RFC2: variants seen among roughly 807,000 people sequenced by gnomAD.
The protein encoded by RFC2 is replication factor C subunit 2, also known as A1 40 kDa subunit.
A neutral mutation model predicts 44.8 loss-of-function variants in RFC2; 34 were observed. That is an observed-to-expected ratio of 0.76 (90% CI 0.58 to 1.01). The LOEUF is 1.01. Among genes scored for constraint, RFC2 ranks in the 50% least tolerant of loss-of-function variants. RFC2 has a pLI of 0.00. For synonymous variants in RFC2, 177 were observed against 168.9 expected (o/e 1.05, Z -0.37); for missense variants, 400 against 453.6 (o/e 0.88, Z 1.07).
intron 6 of RFC2, among the ~76,000 whole-genome samples, chr7:74,241,504 G>A (rs904122335): frequency 6.6e-6 from 1 of 152,200 alleles, no homozygotes; most frequent in African/African-American, 2.4e-5. Flanking sequence ...TTGGTAATGC[G>A]CTCGTCGGCA....
intron 1 of RFC2, 84 bp from the exon 2 acceptor site, chr7:74,252,582 T>C: frequency 1.2e-6 from 1 of 826,966 alleles, no homozygotes. Flanking sequence ...CCTGAGAGCT[T>C]TGTTAAAAAA....
chr7:74,249,456 G>A (rs899535643), intron 3 of RFC2, among the ~76,000 whole-genome samples: 2 of 152,060 alleles, frequency 1.3e-5, no homozygotes, highest in Non-Finnish European at 2.9e-5. Context: ...TACAAGAATC[G>A]CTTGAACCTG....
At chr7:74,234,396 C>T (rs3135703) in intron 10 of RFC2, among the ~76,000 whole-genome samples, 1 of 152,066 alleles carries the variant, frequency 6.6e-6, no homozygotes, top group East Asian at 1.9e-4. Flanking sequence ...TGACTGAGTG[C>T]GTTTGTCCTG....
intron 2 of RFC2, among the ~76,000 whole-genome samples, chr7:74,250,783 C>T (rs1554720930): frequency 6.6e-6 from 1 of 152,082 alleles, no homozygotes; most frequent in African/African-American, 2.4e-5. Flanking sequence ...AAAGTACACA[C>T]CTATTAAAAC....
At chr7:74,233,084 G>A (rs1325555894) in intron 10 of RFC2, among the ~76,000 whole-genome samples, 1 of 152,112 alleles carries the variant, frequency 6.6e-6, no homozygotes, top group Non-Finnish European at 1.5e-5. Context: ...AGTGGCACAT[G>A]CCTGCAGTCC....
intron 6 of RFC2, 28 bp downstream of exon 6, chr7:74,243,117 GC>G (rs781951343): frequency 4.1e-6 from 6 of 1,459,868 alleles, no homozygotes; most frequent in South Asian, 1.1e-5. Flanking sequence ...GCACCACGTG[GC>G]CCCCAGCCAC....
chr7:74,232,494 C>G (rs1042255535), intron 10 of RFC2, among the ~76,000 whole-genome samples: 1 of 151,962 alleles, frequency 6.6e-6, no homozygotes, highest in Non-Finnish European at 1.5e-5. Context: ...GGTGGTGGCA[C>G]GGAAAGCCAG....
At chr7:74,233,549 G>C (rs1289686017) in intron 10 of RFC2, among the ~76,000 whole-genome samples, 1 of 150,780 alleles carries the variant, frequency 6.6e-6, no homozygotes, top group Admixed American at 6.6e-5. Flanking sequence ...GGCACAATGA[G>C]ATCTCATCAC....
chr7:74,233,063 G>T (rs1347594984), intron 10 of RFC2, among the ~76,000 whole-genome samples: 1 of 151,554 alleles, frequency 6.6e-6, no homozygotes, highest in African/African-American at 2.4e-5. Flanking sequence ...AAATAAAAAT[G>T]ACCCAAGTGT....
At chr7:74,246,624 G>C (rs1245568347) in intron 5 of RFC2, 38 bp downstream of exon 5, 1 of 1,335,682 alleles carries the variant, frequency 7.5e-7, no homozygotes. Context: ...AAGAGATTTA[G>C]AGATCAAGGT....
chr7:74,233,595 G>GTTTT (rs79258549), intron 10 of RFC2, among the ~76,000 whole-genome samples: 3 of 124,428 alleles, frequency 2.4e-5, no homozygotes, highest in Non-Finnish European at 3.4e-5. Context: ...GTTGTTATTG[G>GTTTT]TTTTTTTTTT....
intron 6 of RFC2, among the ~76,000 whole-genome samples, chr7:74,241,580 C>T (rs552286225): frequency 6.6e-6 from 1 of 152,156 alleles, no homozygotes; most frequent in African/African-American, 2.4e-5. Context: ...TTCAGCAGGG[C>T]AGAAGTGAGG....
intron 6 of RFC2, among the ~76,000 whole-genome samples, chr7:74,241,990 A>G (rs1462285237): frequency 6.6e-6 from 1 of 152,176 alleles, no homozygotes; most frequent in Non-Finnish European, 1.5e-5. Context: ...ATGTGAAACC[A>G]GCAGGAAGTT....
rs1342732440 is a variant in RFC2, at chr7:74,249,781, C to G, written c.184-1G>C. 3 of 1,613,378 alleles carry G rather than the reference C, an allele frequency of 1.9e-6. No individual in the cohort carries two copies. Among genetic ancestry groups the G allele is most frequent in the Non-Finnish European group, 2.5e-6 (3 of 1,179,394 alleles). On this transcript the variant is annotated splice_acceptor_variant, in intron 2 of 10. Coordinates refer to ENST00000055077, the MANE Select transcript of RFC2 (RefSeq NM_181471.3). LOFTEE classifies it high-confidence loss of function. ...GCACATTTCCTTCCCTTGCAAAGAC[C>G]TACGGCGAAAATGATCATTAAAACC...
At chr7:74,237,469 C>T in intron 8 of RFC2, 27 bp from the exon 9 acceptor site, 1 of 1,510,074 alleles carries the variant, frequency 6.6e-7, no homozygotes, top group Non-Finnish European at 9.0e-7. Flanking sequence ...GAAAGGCGGT[C>T]AGGGGCTAGA....
At chr7:74,249,682 A>C (rs1256147869) in intron 3 of RFC2, 57 bp downstream of exon 3, 1 of 1,419,890 alleles carries the variant, frequency 7.0e-7, no homozygotes, top group Non-Finnish European at 1.0e-6. Context: ...AAAGCAGTTC[A>C]GCGGACAGTG....
chr7:74,237,280 C>A, intron 9 of RFC2, 82 bp downstream of exon 9: 5 of 870,240 alleles, frequency 5.7e-6, no homozygotes, highest in Non-Finnish European at 7.6e-6. Context: ...TGTATAATGT[C>A]CCTGGTACCA....
intron 5 of RFC2, among the ~76,000 whole-genome samples, chr7:74,245,707 C>G (rs1253466433): frequency 7.6e-6 from 1 of 131,942 alleles, no homozygotes; most frequent in Non-Finnish European, 1.6e-5. Flanking sequence ...AGCAAGACTC[C>G]GTCTCACAAA....
At chr7:74,245,777 C>T (rs1469605128) in intron 5 of RFC2, among the ~76,000 whole-genome samples, 1 of 140,192 alleles carries the variant, frequency 7.1e-6, no homozygotes, top group Non-Finnish European at 1.6e-5. Flanking sequence ...AAAAAATTTA[C>T]AGGCCAGGCA....
Sources: gnomAD v4.1 joint callset for allele counts (sites outside exome capture counted in the v4.1 genomes callset) on GRCh38, gnomAD v4.1.1 for gene constraint, MANE v1.5 for transcripts, NCBI Gene and HGNC (gene_info 2026-07-23, HGNC 2026-07-21) for gene names.